The following SLC15A5 variants were observed in gnomAD, a reference collection of about 807,000 sequenced individuals.
SLC15A5 encodes solute carrier family 15 member 5, also known as Peptide/histidine transporter ENSP00000340402.
SLC15A5 carries 58 observed loss-of-function variants against 56.1 expected under a neutral mutation model. The observed-to-expected ratio is 1.03, with a 90% CI of 0.84 to 1.29. The LOEUF (loss-of-function observed/expected upper bound fraction) is 1.29, where lower values mean the gene tolerates loss of function less well. SLC15A5 is among the 50% of genes most tolerant of loss of function. The pLI, the probability that SLC15A5 is intolerant of heterozygous loss-of-function variation, is 0.00. For missense variants in SLC15A5, 681 were observed against 672.1 expected (o/e 1.01, Z -0.15); for synonymous variants, 264 against 250.5 (o/e 1.05, Z -0.51).
Position 16,271,066 on chromosome 12 carries a change from C to T in SLC15A5, c.584+1495G>A, listed in dbSNP as rs1864749459. ...TAATTTTTAAAAATCTAAATATGTT[C>T]ATCCTAAATTTGGCCTGGTTCCTTA... is the stretch of plus-strand genomic sequence containing the variant. On this transcript the variant is annotated intron_variant, in intron 2 of 8. Coordinates refer to ENST00000344941, the MANE Select transcript of SLC15A5 (RefSeq NM_001170798.1). This position sits in a 1 kb window ranked among gnomAD's most constrained non-coding sequence, Gnocchi z 8.0. 6.6e-6 allele frequency among the ~76,000 whole-genome samples: 1 copy of T among 152,088 alleles called. No individual in the cohort carries two copies. The highest frequency in any genetic ancestry group is 2.4e-5 in the African/African-American group (1 of 41,428).
chr12:16,197,250 A>AT (rs1250731557), intron 7 of SLC15A5, among the ~76,000 whole-genome samples: 1 of 152,076 alleles, frequency 6.6e-6, no homozygotes, highest in Non-Finnish European at 1.5e-5. Context: ...ATTTAGATTC[A>AT]TTTAACATTC....
chr12:16,241,949 G>C (rs7298888), intron 4 of SLC15A5, among the ~76,000 whole-genome samples: 67,610 of 151,916 alleles, frequency 0.45, 15,209 homozygotes, highest in South Asian at 0.61. Context: ...GCCTCTGCCT[G>C]AAGTTCTGAA....
intron 2 of SLC15A5, among the ~76,000 whole-genome samples, chr12:16,264,451 G>T (rs187049240): frequency 6.6e-6 from 1 of 152,264 alleles, no homozygotes; most frequent in African/African-American, 2.4e-5. Flanking sequence ...GACTTGCTTT[G>T]TCTCAGATGA....
chr12:16,243,230 G>A lies in SLC15A5; in HGVS notation c.975+1350C>T, dbSNP rs908307826. ...CTTTTTCTCTTTTTTTTTTTTTTGA[G>A]ATGGAGTTTCATTCTTGTTTCCCAG... On this transcript the variant is annotated intron_variant, in intron 4 of 8. Transcript: ENST00000344941. This position sits in a 1 kb window ranked among gnomAD's most constrained non-coding sequence, Gnocchi z 4.4. 2.2e-5 allele frequency among the ~76,000 whole-genome samples: 3 copies of A among 137,144 alleles called. No homozygotes were observed. Among genetic ancestry groups the A allele is most frequent in the Non-Finnish European group, 4.6e-5 (3 of 64,534 alleles). The allele number at this position is 137,144 out of a possible 152,430, so 90.0% of individuals were successfully genotyped here.
At chr12:16,200,391 A>G (rs1359122991) in intron 7 of SLC15A5, among the ~76,000 whole-genome samples, 2 of 151,996 alleles carry the variant, frequency 1.3e-5, no homozygotes, top group Non-Finnish European at 2.9e-5. Flanking sequence ...GAAATCATAA[A>G]AAAATCTGTT....
chr12:16,225,116 C>A (rs1382236166), intron 5 of SLC15A5, among the ~76,000 whole-genome samples: 1 of 152,122 alleles, frequency 6.6e-6, no homozygotes, highest in African/African-American at 2.4e-5. Flanking sequence ...TTTTCTTAAT[C>A]CAGTCTATCA....
intron 7 of SLC15A5, among the ~76,000 whole-genome samples, chr12:16,198,574 C>T (rs997468819): frequency 2.6e-5 from 4 of 152,050 alleles, no homozygotes; most frequent in African/African-American, 9.7e-5. Context: ...ATGCAACTAC[C>T]ACTTTTATGA....
chr12:16,245,131 G>C (rs183959408), intron 3 of SLC15A5, among the ~76,000 whole-genome samples: 2 of 152,294 alleles, frequency 1.3e-5, no homozygotes, highest in Admixed American at 1.3e-4. Context: ...ATGCATTAAT[G>C]AATACAATAA....
chr12:16,196,668 G>A lies in SLC15A5; in HGVS notation c.1484-2215C>T, dbSNP rs1863897186. On this transcript the variant is annotated intron_variant, in intron 7 of 8. Coordinates refer to ENST00000344941, the MANE Select transcript of SLC15A5 (RefSeq NM_001170798.1). The surrounding 1 kb of genome is among the most constrained non-coding windows in gnomAD (Gnocchi z 4.0). Reference sequence around the variant, plus strand: ...TTATCACCATGTTTCTCTGACTAGTGTAAGAGGAGTTTGCACAGAGTATGT... The same window carrying A: ...TTATCACCATGTTTCTCTGACTAGTATAAGAGGAGTTTGCACAGAGTATGT... Among the ~76,000 whole-genome samples, 4 of 152,162 alleles carry A rather than the reference G, an allele frequency of 2.6e-5. 1 individual carries two copies. The South Asian group carries it at 8.3e-4, about 32-fold the overall frequency.
rs995211459 is a variant in SLC15A5, at chr12:16,271,841, C to T, written c.584+720G>A. ...ATTGTTTCCTTAAAAAACACAAAAA[C>T]CGACGAACTCCATAAGAACTCGTTG... On this transcript the variant is annotated intron_variant, in intron 2 of 8. Coordinates refer to ENST00000344941, the MANE Select transcript of SLC15A5 (RefSeq NM_001170798.1). This position sits in a 1 kb window ranked among gnomAD's most constrained non-coding sequence, Gnocchi z 8.0. 1.3e-5 allele frequency among the ~76,000 whole-genome samples: 2 copies of T among 152,088 alleles called. No individual in the cohort carries two copies. Among genetic ancestry groups the T allele is most frequent in the African/African-American group, 4.8e-5 (2 of 41,414 alleles).
At chr12:16,219,245 C>A (rs1436185748) in intron 6 of SLC15A5, among the ~76,000 whole-genome samples, 2 of 152,116 alleles carry the variant, frequency 1.3e-5, no homozygotes, top group Non-Finnish European at 1.5e-5. Flanking sequence ...TGGAGAAGGG[C>A]TTCAAATATT....
At chr12:16,206,023 T>C (rs1864015245) in intron 7 of SLC15A5, among the ~76,000 whole-genome samples, 1 of 152,222 alleles carries the variant, frequency 6.6e-6, no homozygotes, top group South Asian at 2.1e-4. Flanking sequence ...GATTTTATAC[T>C]CTGCTTTATC....
intron 1 of SLC15A5, among the ~76,000 whole-genome samples, chr12:16,276,725 T>C (rs1333272172): frequency 1.3e-5 from 2 of 152,048 alleles, no homozygotes; most frequent in African/African-American, 4.8e-5. Flanking sequence ...TCCCAGCATT[T>C]CTCACAATCG....
chr12:16,235,276 A>G lies in SLC15A5; in HGVS notation c.1162+4405T>C, dbSNP rs193088391. Among the ~76,000 whole-genome samples, 459 of 129,704 alleles carry G rather than the reference A, an allele frequency of 3.5e-3. 3 individuals carry two copies. The highest frequency in any genetic ancestry group is 4.5e-3 in the Non-Finnish European group (276 of 60,732). The allele number at this position is 129,704 out of a possible 152,430, so 85.1% of individuals were successfully genotyped here. On this transcript the variant is annotated intron_variant, in intron 5 of 8. Transcript: ENST00000344941. The surrounding 1 kb of genome is among the most constrained non-coding windows in gnomAD (Gnocchi z 4.1). ...TATGTGTATATATATGTATATGTAT[A>G]TATATGTATATATGTATATGTATAT...
intron 3 of SLC15A5, among the ~76,000 whole-genome samples, chr12:16,248,838 A>C (rs1441239277): frequency 1.3e-5 from 2 of 152,092 alleles, no homozygotes; most frequent in Non-Finnish European, 2.9e-5. Flanking sequence ...GAAAATACTG[A>C]AATGAAAAAT....
intron 2 of SLC15A5, among the ~76,000 whole-genome samples, chr12:16,270,223 A>G (rs1366691348): frequency 6.6e-6 from 1 of 152,184 alleles, no homozygotes; most frequent in Admixed American, 6.6e-5. Context: ...GCTACTTAAC[A>G]TGATCATTGG....
chr12:16,211,638 A>T (rs770107599), intron 7 of SLC15A5, among the ~76,000 whole-genome samples: 3 of 152,158 alleles, frequency 2.0e-5, no homozygotes, highest in Non-Finnish European at 2.9e-5. Context: ...GAGGAAATTG[A>T]TCTTGTTGCT....
At chr12:16,247,597 C>T (rs949628106) in intron 3 of SLC15A5, among the ~76,000 whole-genome samples, 1 of 152,000 alleles carries the variant, frequency 6.6e-6, no homozygotes, top group Non-Finnish European at 1.5e-5. Context: ...GACGTATGAA[C>T]TGAGGATTAA....
At chr12:16,246,813 C>A (rs1295529317) in intron 3 of SLC15A5, among the ~76,000 whole-genome samples, 1 of 151,954 alleles carries the variant, frequency 6.6e-6, no homozygotes, top group East Asian at 1.9e-4. Flanking sequence ...CAAATTGATA[C>A]CTGCAATCTT....
Sources: gnomAD v4.1 joint callset for allele counts (sites outside exome capture counted in the v4.1 genomes callset) on GRCh38, gnomAD v4.1.1 for gene constraint, Gnocchi (gnomAD v3.1) non-coding constraint, MANE v1.5 for transcripts, NCBI Gene and HGNC (gene_info 2026-07-23, HGNC 2026-07-21) for gene names.